The following WASHC2A variants were observed in gnomAD, a reference collection of about 807,000 sequenced individuals.
The protein encoded by WASHC2A is WASH complex subunit 2A, also known as WASH complex subunit FAM21A.
In WASHC2A, 82 loss-of-function variants were observed where a neutral mutation model predicts 140.3. That is an observed-to-expected ratio of 0.58 (90% CI 0.49 to 0.70). WASHC2A has a LOEUF of 0.70. Among genes scored for constraint, WASHC2A ranks in the 30% least tolerant of loss-of-function variants. The probability of loss-of-function intolerance (pLI) is 0.00; values close to 1 mark genes in which losing one functional copy is unlikely to be tolerated. For missense variants in WASHC2A, 985 were observed against 1,521.8 expected (o/e 0.65, Z 5.87); for synonymous variants, 340 against 560.8 (o/e 0.61, Z 5.56).
chr10:50,070,680 A>T lies in WASHC2A; in HGVS notation c.291+969A>T, dbSNP rs531180898. ...AAAGACATTAATAAAGGTGTTAGAGATCTCTTTGCCAGTTATTTCCTTTAA... is the reference window on the plus strand; with the variant it reads ...AAAGACATTAATAAAGGTGTTAGAGTTCTCTTTGCCAGTTATTTCCTTTAA... On this transcript the variant is annotated intron_variant, in intron 3 of 30. Transcript: ENST00000282633. Among the ~76,000 whole-genome samples, 647 of 143,030 alleles carry T rather than the reference A, an allele frequency of 4.5e-3. 11 individuals carry two copies. Among genetic ancestry groups the T allele is most frequent in the South Asian group, 0.031 (137 of 4,464 alleles). 93.8% of individuals were successfully genotyped at this position (143,030 alleles called of 152,430 possible).
At chr10:50,091,838 A>G (rs1359026038) in intron 10 of WASHC2A, among the ~76,000 whole-genome samples, 2 of 152,170 alleles carry the variant, frequency 1.3e-5, no homozygotes, top group African/African-American at 4.8e-5. Context: ...ATTTACTCCT[A>G]TATTTTGAAC....
At chr10:50,124,725 AG>A (rs1168468430) in intron 23 of WASHC2A, among the ~76,000 whole-genome samples, 2 of 151,324 alleles carry the variant, frequency 1.3e-5, no homozygotes, top group African/African-American at 4.8e-5. Context: ...TGAGATGAAG[AG>A]AATTCATTCA....
chr10:50,128,514 C>T (rs1448361150), intron 28 of WASHC2A, among the ~76,000 whole-genome samples: 1 of 152,226 alleles, frequency 6.6e-6, no homozygotes, highest in African/African-American at 2.4e-5. Flanking sequence ...AGTCTCCCTT[C>T]TCTAGAAAGC....
chr10:50,069,733 T>C, intron 3 of WASHC2A, 22 bp downstream of exon 3: 1 of 1,602,512 alleles, frequency 6.2e-7, no homozygotes, highest in Non-Finnish European at 8.5e-7. Context: ...AGTTATATTA[T>C]CATTCCTTTT....
At chr10:50,075,100 T>A (rs1274768494) in intron 3 of WASHC2A, among the ~76,000 whole-genome samples, 1 of 152,148 alleles carries the variant, frequency 6.6e-6, no homozygotes, top group East Asian at 1.9e-4. Flanking sequence ...CTTTTTTTCT[T>A]AATGTGAACT....
chr10:50,071,031 T>C, intron 3 of WASHC2A, among the ~76,000 whole-genome samples: 1 of 105,462 alleles, frequency 9.5e-6, no homozygotes. Flanking sequence ...AAACTCCGTC[T>C]CAAAAAAAAA....
Position 50,091,663 on chromosome 10 carries a change from C to T in WASHC2A, c.931+145C>T, listed in dbSNP as rs1326530631. On this transcript the variant is annotated intron_variant, in intron 10 of 30. Transcript: ENST00000282633. ...GCTACATATAATTTAAATTGTAGCG[C>T]TTATTCCTTTTTTGGTTAATGAGCT... The T allele has an allele frequency of 4.8e-5, 48 of 995,360 alleles. No individual in the cohort carries two copies. In the African/African-American group the frequency reaches 6.8e-4, roughly 14 times the overall value. The allele number at this position is 995,360 out of a possible 1,614,324, so 61.7% of individuals were successfully genotyped here. A position where few individuals can be genotyped will look rare whatever the true frequency, so the allele number is the denominator to read the frequency against.
In WASHC2A at chr10:50,089,064, AAGTGATTCTCATGCCTC is replaced by A. The variant is rs1839645730; in HGVS notation, c.733-1709_733-1693del. ...ACTACAACCTCCACCTCTTCGGTTC[AAGTGATTCTCATGCCTC>A]AGCCTCCCAAGTAGCTGGGATTATA... On this transcript the variant is annotated intron_variant, in intron 8 of 30. Coordinates refer to ENST00000282633, the MANE Select transcript of WASHC2A (RefSeq NM_001005751.3). 2.0e-5 allele frequency among the ~76,000 whole-genome samples: 3 copies of A among 150,494 alleles called. No homozygotes were observed. The South Asian group carries it at 6.3e-4, about 31-fold the overall frequency.
chr10:50,115,847 G>A (rs1383239762), intron 21 of WASHC2A, among the ~76,000 whole-genome samples: 1 of 151,672 alleles, frequency 6.6e-6, no homozygotes, highest in Non-Finnish European at 1.5e-5. Flanking sequence ...CAGGCGTGGT[G>A]GCTCACGCCT....
intron 3 of WASHC2A, among the ~76,000 whole-genome samples, chr10:50,076,158 G>A (rs61856717): frequency 1.3e-5 from 2 of 152,050 alleles, no homozygotes; most frequent in East Asian, 1.9e-4. Flanking sequence ...ACTCCTGACC[G>A]CAGGTGATCC....
At chr10:50,114,456 A>G (rs1486137766) in intron 21 of WASHC2A, among the ~76,000 whole-genome samples, 1 of 123,878 alleles carries the variant, frequency 8.1e-6, no homozygotes, top group East Asian at 2.4e-4. Context: ...TAGTACAGTT[A>G]GACTGTGGAA....
intron 3 of WASHC2A, among the ~76,000 whole-genome samples, chr10:50,076,055 C>T (rs1315333902): frequency 6.6e-6 from 1 of 151,748 alleles, no homozygotes. Flanking sequence ...GCTGGGATTA[C>T]AGGCACCGGC....
rs781928984 is a variant in WASHC2A at position 50,126,128 on chromosome 10, A to G, written c.2760A>G (p.Glu920=). The part of the protein sequence containing the change: ...VDSFKNQKHP[E]SIQGSKEKGI... The stretch of plus-strand genomic sequence containing the variant: ...CTTTCAAAAACCAGAAACATCCTGA[A>G]TCCATTCAAGGTAGTAAAGAAAAAG... The change falls in exon 26 of 31, where the codon GAA becomes GAG. Residue 920 remains glutamate (E), a synonymous_variant. Transcript: ENST00000282633. The G allele has an allele frequency of 1.7e-5, 27 of 1,613,742 alleles. No individual in the cohort carries two copies. Among genetic ancestry groups the G allele is most frequent in the Non-Finnish European group, 2.3e-5 (27 of 1,179,856 alleles).
chr10:50,095,390 G>A (rs1485590063), intron 14 of WASHC2A, among the ~76,000 whole-genome samples, 183 bp downstream of exon 14: 4 of 152,124 alleles, frequency 2.6e-5, no homozygotes, highest in Non-Finnish European at 5.9e-5. Context: ...GAGCTCAGTG[G>A]CCTTGGACTT....
At chr10:50,094,807 G>A (rs1248683067) in intron 13 of WASHC2A, among the ~76,000 whole-genome samples, 1 of 151,118 alleles carries the variant, frequency 6.6e-6, no homozygotes, top group Admixed American at 6.6e-5. Context: ...GGAATGGGTA[G>A]AGGTGGAACT....
At chr10:50,086,388 AG>A (rs1356274238) in intron 7 of WASHC2A, among the ~76,000 whole-genome samples, 3 of 151,682 alleles carry the variant, frequency 2.0e-5, no homozygotes, top group African/African-American at 7.3e-5. Context: ...CTTCATCAAT[AG>A]TTGCTCGTAG....
rs2669666 is a variant in WASHC2A at position 50,104,083 on chromosome 10, G to A, written c.1677G>A (p.Ala559=). 69,062 of 1,238,018 alleles carry A rather than the reference G, an allele frequency of 0.056. 18,717 individuals are homozygous for A. The highest frequency in any genetic ancestry group is 0.21 in the African/African-American group (13,683 of 65,504). 76.7% of individuals were successfully genotyped at this position (1,238,018 alleles called of 1,614,324 possible). A position where few individuals can be genotyped will look rare whatever the true frequency, so the allele number is the denominator to read the frequency against. The change falls in exon 18 of 31, where the codon GCG becomes GCA. Residue 559 remains alanine (A), a synonymous_variant. Transcript: ENST00000282633. ...AAAGTGCGAGTAAGTTAAAAGGTGCGTCTCTGCTGCCTGGCAAGCTCCCCA... is the reference window on the plus strand; with the variant it reads ...AAAGTGCGAGTAAGTTAAAAGGTGCATCTCTGCTGCCTGGCAAGCTCCCCA... The part of the protein sequence containing the change: ...SSQSASKLKG[A]SLLPGKLPTL...
In WASHC2A at chr10:50,091,492, T is replaced by C; in HGVS notation, c.905T>C (p.Val302Ala). 6.5e-7 allele frequency: 1 copy of C among 1,550,284 alleles called. No homozygotes were observed. Among genetic ancestry groups the C allele is most frequent in the Non-Finnish European group, 8.7e-7 (1 of 1,147,072 alleles). Residue 302 changes from valine (V) to alanine (A), a missense_variant, in exon 10 of 31, where the codon GTG becomes GCG. Physicochemically the swap from Val to Ala is moderately conservative, Grantham distance 64 (BLOSUM62 0). Transcript: ENST00000282633. ...ELAARIKGDA[V>A]GRVDEEPTTL... ...GCTGCCCGCATCAAGGGGGATGCCGTGGGTCGAGTGGACGAGGAGCCGACA... is the reference window on the plus strand; with the variant it reads ...GCTGCCCGCATCAAGGGGGATGCCGCGGGTCGAGTGGACGAGGAGCCGACA...
chr10:50,109,372 TA>T (rs1368494542), intron 19 of WASHC2A, among the ~76,000 whole-genome samples: 2 of 152,236 alleles, frequency 1.3e-5, no homozygotes, highest in African/African-American at 4.8e-5. Context: ...CATGAGTTTT[TA>T]CACTTTTTTT....
Sources: allele counts gnomAD v4.1 joint callset (sites outside exome capture counted in the v4.1 genomes callset), GRCh38; gene constraint gnomAD v4.1.1; transcripts MANE v1.5; gene names NCBI Gene and HGNC (gene_info 2026-07-23, HGNC 2026-07-21).